ACOT11: variants seen among roughly 807,000 people sequenced by gnomAD.
ACOT11 encodes acyl-CoA thioesterase 11, also known as acyl-coenzyme A thioesterase 11.
ACOT11 carries 69 observed loss-of-function variants against 77.5 expected under a neutral mutation model. The ratio of observed to expected loss-of-function variants is 0.89; its 90% CI spans 0.73 to 1.09. ACOT11 has a LOEUF of 1.09. Ranked by LOEUF, ACOT11 falls within the 50% of genes least tolerant of loss-of-function variation. The probability of loss-of-function intolerance (pLI) is 0.00; values close to 1 mark genes in which losing one functional copy is unlikely to be tolerated. For missense variants in ACOT11, 766 were observed against 813.7 expected, an observed-to-expected ratio of 0.94 and a Z score of 0.71; for synonymous variants, 279 against 313.0, an observed-to-expected ratio of 0.89 and a Z score of 1.15.
intron 1 of ACOT11, among the ~76,000 whole-genome samples, chr1:54,583,039 C>T (rs866990101): frequency 1.3e-5 from 2 of 152,156 alleles, no homozygotes; most frequent in Non-Finnish European, 1.5e-5. Flanking sequence ...CATGCAGGCC[C>T]CCAGCGCACA....
chr1:54,602,905 C>T (rs978206223), intron 10 of ACOT11, among the ~76,000 whole-genome samples, 181 bp downstream of exon 10: 2 of 152,186 alleles, frequency 1.3e-5, no homozygotes, highest in East Asian at 1.9e-4. Context: ...CACACGAGGA[C>T]GCTGGGGACA....
At chr1:54,630,836 A>G (rs1362652376) in exon 16 of ACOT11, 1 of 767,914 alleles carries the variant, frequency 1.3e-6, no homozygotes, top group Non-Finnish European at 2.4e-6. Flanking sequence ...CGACGGTTGG[A>G]ATGGAAAACT....
chr1:54,609,168 C>G lies in ACOT11; in HGVS notation c.*56C>G, dbSNP rs1644077587. 2 of 1,610,376 alleles carry G rather than the reference C, an allele frequency of 1.2e-6. No individual in the cohort carries two copies. Among genetic ancestry groups the G allele is most frequent in the Admixed American group, 3.3e-5 (2 of 59,772 alleles). On this transcript the variant is annotated 3_prime_UTR_variant, in exon 16 of 16. Transcript: ENST00000343744. ...CCACTCCATCCTGTCCCCAAGGACT[C>G]ACATACAGTGCCTGGAGAAAGCCAA...
At position 54,609,119 on chromosome 1, in the gene ACOT11, T is replaced by C. The variant is rs1329287623; in HGVS notation, c.*7T>C. On this transcript the variant is annotated 3_prime_UTR_variant, in exon 16 of 16. Coordinates refer to ENST00000343744, the MANE Select transcript of ACOT11 (RefSeq NM_147161.4). The stretch of plus-strand genomic sequence containing the variant: ...CAGCCTCCAGACCCTCTAGATGCCC[T>C]CAGTGGCCACATCATGCCCACTCCC... The C allele has an allele frequency of 6.2e-7, 1 of 1,613,962 alleles. No individual in the cohort carries two copies. Among genetic ancestry groups the C allele is most frequent in the Non-Finnish European group, 8.5e-7 (1 of 1,179,966 alleles).
chr1:54,586,402 G>A (rs973035426), intron 3 of ACOT11, among the ~76,000 whole-genome samples: 1 of 151,364 alleles, frequency 6.6e-6, no homozygotes, highest in Non-Finnish European at 1.5e-5. Context: ...TGAGGAGCTC[G>A]TTACCTCATT....
chr1:54,616,233 A>C, intron 15 of ACOT11: 21 of 1,434,698 alleles, frequency 1.5e-5, no homozygotes, highest in Non-Finnish European at 1.9e-5. Context: ...CTTCTTTCTC[A>C]TCATAAAAGC....
chr1:54,597,101 C>A (rs1457727924), intron 6 of ACOT11, among the ~76,000 whole-genome samples, 158 bp from the exon 7 acceptor site: 1 of 152,184 alleles, frequency 6.6e-6, no homozygotes, highest in Non-Finnish European at 1.5e-5. Flanking sequence ...CCCTCTCATC[C>A]AGGGCCACCC....
chr1:54,586,439 CT>C (rs1345752068), intron 3 of ACOT11, among the ~76,000 whole-genome samples: 1 of 131,484 alleles, frequency 7.6e-6, no homozygotes, highest in Admixed American at 7.6e-5. Context: ...TTTTTTTTTT[CT>C]TTTTTTTTGG....
chr1:54,572,109 CTT>C (rs1653948200), intron 1 of ACOT11, among the ~76,000 whole-genome samples: 1 of 152,032 alleles, frequency 6.6e-6, no homozygotes, highest in Non-Finnish European at 1.5e-5. Flanking sequence ...GCTCGCCTCT[CTT>C]CTGCTTGCTC....
chr1:54,602,841 C>A (rs2101001901), intron 10 of ACOT11, 117 bp downstream of exon 10: 1 of 1,112,622 alleles, frequency 9.0e-7, no homozygotes, highest in Non-Finnish European at 1.2e-6. Flanking sequence ...GGGCCGGGCC[C>A]TTTACATCCT....
chr1:54,589,905 G>T (rs1000972121), intron 3 of ACOT11, among the ~76,000 whole-genome samples: 1 of 152,042 alleles, frequency 6.6e-6, no homozygotes, highest in Non-Finnish European at 1.5e-5. Flanking sequence ...TGGCTAACAC[G>T]GTGAAACCCC....
chr1:54,615,331 GAT>G (rs1304861898), intron 15 of ACOT11, among the ~76,000 whole-genome samples: 1 of 152,174 alleles, frequency 6.6e-6, no homozygotes, highest in African/African-American at 2.4e-5. Flanking sequence ...AGGCTAGGAA[GAT>G]ATAGAGGGAT....
chr1:54,634,812 C>A (rs997321213), exon 17 of ACOT11: 1 of 670,124 alleles, frequency 1.5e-6, no homozygotes, highest in Non-Finnish European at 2.7e-6. Flanking sequence ...TAGAGACTGA[C>A]GCTGAGGAGG....
intron 3 of ACOT11, 115 bp from the exon 4 acceptor site, chr1:54,592,431 A>C: frequency 1.0e-6 from 1 of 1,000,542 alleles, no homozygotes; most frequent in South Asian, 1.7e-5. Flanking sequence ...TATGCCCTGC[A>C]AGCCATGAAG....
chr1:54,628,672 T>A (rs1348987853), intron 15 of ACOT11, among the ~76,000 whole-genome samples: 1 of 124,190 alleles, frequency 8.1e-6, no homozygotes, highest in African/African-American at 2.7e-5. Flanking sequence ...GCTTAGGTGG[T>A]CTCAGCACTC....
intron 1 of ACOT11, among the ~76,000 whole-genome samples, chr1:54,566,232 G>T (rs937820819): frequency 6.6e-6 from 1 of 152,092 alleles, no homozygotes; most frequent in East Asian, 1.9e-4. Flanking sequence ...CGAGGCAGGC[G>T]GATCACTTGA....
intron 15 of ACOT11, among the ~76,000 whole-genome samples, chr1:54,617,395 G>T (rs1438659435): frequency 1.3e-5 from 2 of 149,602 alleles, no homozygotes. Flanking sequence ...TTCCCTGCAA[G>T]TCTGTTCTCT....
intron 3 of ACOT11, among the ~76,000 whole-genome samples, chr1:54,586,259 C>G (rs1460393843): frequency 6.6e-6 from 1 of 151,836 alleles, no homozygotes; most frequent in Admixed American, 6.6e-5. Context: ...TCATTGAGTG[C>G]CTTTTTGAGC....
Position 54,594,645 on chromosome 1 carries a change from T to G in ACOT11, c.561T>G (p.Tyr187Ter), listed in dbSNP as rs2100990959. The G allele has an allele frequency of 3.1e-6, 5 of 1,614,088 alleles. No individual in the cohort carries two copies. The Middle Eastern group carries it at 8.3e-4, about 266-fold the overall frequency. The stretch of plus-strand genomic sequence containing the variant: ...AGCGCCGGCGCATGCGCCTTGTCTA[T>G]GCAGACACCATCAAGGACCTCCTGG... ...AAERRRMRLV[Y>*]ADTIKDLLAN... Residue 187 changes from tyrosine (Y) to a stop codon, truncating the protein, a stop_gained, in exon 6 of 16, where the codon TAT (tyrosine) becomes TAG (stop). Coordinates refer to ENST00000343744, the MANE Select transcript of ACOT11 (RefSeq NM_147161.4). LOFTEE classifies it high-confidence loss of function.
Sources: allele counts gnomAD v4.1 joint callset (sites outside exome capture counted in the v4.1 genomes callset), GRCh38; gene constraint gnomAD v4.1.1; transcripts MANE v1.5; gene names NCBI Gene and HGNC (gene_info 2026-07-23, HGNC 2026-07-21).